Variants in KCNMA1 observed in about 807,000 individuals in gnomAD.
KCNMA1 encodes Calcium-activated potassium channel subunit alpha-1.
Under a neutral mutation model 140.0 loss-of-function variants are expected in KCNMA1, and 29 were observed. The observed-to-expected ratio is 0.21, with a 90% CI of 0.15 to 0.28. The LOEUF is 0.28. Among genes scored for constraint, KCNMA1 ranks in the 10% least tolerant of loss-of-function variants. The pLI is 1.00. For missense variants in KCNMA1, 880 were observed against 1,602.2 expected (o/e 0.55, Z 7.70); for synonymous variants, 612 against 611.9 (o/e 1.00, Z 0.00).
chr10:76,869,676 C>T (rs2030822470), exon 28 of KCNMA1: 1 of 152,600 alleles, frequency 6.6e-6, no homozygotes, highest in South Asian at 2.1e-4. Flanking sequence ...TATGTACAAA[C>T]CCTTTTTACA....
At chr10:77,310,423 T>C (rs1158403677) in intron 2 of KCNMA1, among the ~76,000 whole-genome samples, 1 of 152,184 alleles carries the variant, frequency 6.6e-6, no homozygotes, top group Non-Finnish European at 1.5e-5. Context: ...TAACAAGCAT[T>C]CCTGTGTGCC....
At chr10:77,156,845 G>T (rs1454769520) in intron 5 of KCNMA1, among the ~76,000 whole-genome samples, 1 of 152,124 alleles carries the variant, frequency 6.6e-6, no homozygotes, top group East Asian at 1.9e-4. Flanking sequence ...CCACCCAGAG[G>T]ACTCAACACG....
At chr10:77,096,587 C>T (rs896648900) in intron 9 of KCNMA1, among the ~76,000 whole-genome samples, 4 of 152,202 alleles carry the variant, frequency 2.6e-5, no homozygotes, top group African/African-American at 9.7e-5. Context: ...GTAAAATGCA[C>T]AGCTCTGGGC....
chr10:77,254,040 C>T (rs2060186600), intron 2 of KCNMA1, among the ~76,000 whole-genome samples: 1 of 152,102 alleles, frequency 6.6e-6, no homozygotes, highest in Non-Finnish European at 1.5e-5. Flanking sequence ...CTCTATCTCT[C>T]TAACAAATCC....
intron 1 of KCNMA1, among the ~76,000 whole-genome samples, chr10:77,593,628 T>C (rs989868541): frequency 6.6e-6 from 1 of 152,282 alleles, no homozygotes; most frequent in East Asian, 1.9e-4. Context: ...AAGAACCCAG[T>C]GAAAGTGGTA....
chr10:77,215,933 C>T lies in KCNMA1; in HGVS notation c.603-31017G>A, dbSNP rs191360403. Among the ~76,000 whole-genome samples the T allele has an allele frequency of 1.7e-3, 256 of 151,102 alleles. No homozygotes were observed. The Middle Eastern group carries it at 0.02, about 12-fold the overall frequency. ...TCTCTCTCTCTCTCTCTCTCTCTGC[C>T]GTGTGAGGACACAGCAAGAAGGTGG... On this transcript the variant is annotated intron_variant, in intron 3 of 27. Transcript: ENST00000286628.
At chr10:77,578,060 G>A (rs1027242482) in intron 1 of KCNMA1, among the ~76,000 whole-genome samples, 1 of 152,198 alleles carries the variant, frequency 6.6e-6, no homozygotes, top group African/African-American at 2.4e-5. Context: ...CAGCAGCTTC[G>A]GACAGTGCCT....
At chr10:77,006,431 A>C (rs1014044089) in intron 18 of KCNMA1, among the ~76,000 whole-genome samples, 1 of 152,224 alleles carries the variant, frequency 6.6e-6, no homozygotes, top group African/African-American at 2.4e-5. Context: ...AACTAACGTT[A>C]CTAATAAAAA....
At chr10:77,446,526 C>T (rs1370470141) in intron 1 of KCNMA1, among the ~76,000 whole-genome samples, 2 of 152,196 alleles carry the variant, frequency 1.3e-5, no homozygotes, top group South Asian at 4.1e-4. Context: ...CGGTCAGCCG[C>T]CCTAGAAGTC....
chr10:77,255,525 T>G (rs1486292511), intron 2 of KCNMA1, among the ~76,000 whole-genome samples: 2 of 152,008 alleles, frequency 1.3e-5, no homozygotes, highest in Non-Finnish European at 2.9e-5. Context: ...ACTTGAACCC[T>G]GGAGGCAGAG....
intron 1 of KCNMA1, among the ~76,000 whole-genome samples, chr10:77,520,010 G>A (rs1484901870): frequency 1.4e-5 from 2 of 145,998 alleles, no homozygotes; most frequent in African/African-American, 2.6e-5. Context: ...CATATGCAGT[G>A]TGAGGGCTGG....
chr10:77,624,238 T>C (rs1406255430), intron 1 of KCNMA1, among the ~76,000 whole-genome samples: 1 of 152,212 alleles, frequency 6.6e-6, no homozygotes, highest in Non-Finnish European at 1.5e-5. Flanking sequence ...TGTTTCTTTT[T>C]ATGTTCAACC....
intron 1 of KCNMA1, among the ~76,000 whole-genome samples, chr10:77,542,334 G>A (rs1371257423): frequency 6.6e-6 from 1 of 152,192 alleles, no homozygotes; most frequent in Admixed American, 6.5e-5. Flanking sequence ...CTTCTGCATA[G>A]TGAGAGGATG....
chr10:76,910,156 A>T, intron 24 of KCNMA1, 60 bp from the exon 25 acceptor site: 2 of 1,582,198 alleles, frequency 1.3e-6, no homozygotes, highest in Non-Finnish European at 1.7e-6. Context: ...TTGAAGCCAG[A>T]GGGAGACCAG....
At chr10:76,944,663 T>G in intron 23 of KCNMA1, 110 bp downstream of exon 23, 2 of 1,026,782 alleles carry the variant, frequency 1.9e-6, no homozygotes, top group Non-Finnish European at 3.0e-6. Context: ...CAGGTTTCAC[T>G]GCCAGGCAGG....
At chr10:77,582,838 T>C (rs2076240729) in intron 1 of KCNMA1, among the ~76,000 whole-genome samples, 1 of 152,176 alleles carries the variant, frequency 6.6e-6, no homozygotes, top group African/African-American at 2.4e-5. Flanking sequence ...GACTGTTTAG[T>C]AGACATGCAA....
At chr10:77,561,495 T>C (rs1051740139) in intron 1 of KCNMA1, among the ~76,000 whole-genome samples, 7 of 152,218 alleles carry the variant, frequency 4.6e-5, no homozygotes, top group Admixed American at 4.6e-4. Context: ...TGAACCCAGA[T>C]GGTCCAAGCT....
chr10:77,498,600 C>A (rs1340752238), intron 1 of KCNMA1: 1 of 152,230 alleles, frequency 6.6e-6, no homozygotes, highest in African/African-American at 2.4e-5. Flanking sequence ...TCACAGGTCT[C>A]TGCAAGGCTT....
chr10:76,929,231 T>G (rs372244515), intron 23 of KCNMA1, among the ~76,000 whole-genome samples: 1 of 152,196 alleles, frequency 6.6e-6, no homozygotes, highest in East Asian at 1.9e-4. Flanking sequence ...AAAAGTAGTT[T>G]TATAGATTAA....
Sources: gnomAD v4.1 joint callset for allele counts (sites outside exome capture counted in the v4.1 genomes callset) on GRCh38, gnomAD v4.1.1 for gene constraint, MANE v1.5 for transcripts, NCBI Gene and HGNC (gene_info 2026-07-23, HGNC 2026-07-21) for gene names.